The following NPAS3 variants were observed in gnomAD, a reference collection of about 807,000 sequenced individuals.
The protein encoded by NPAS3 is neuronal PAS domain-containing protein 3.
In NPAS3, 14 loss-of-function variants were observed where a neutral mutation model predicts 73.1. That is an observed-to-expected ratio of 0.19 (90% CI 0.13 to 0.30). The LOEUF is 0.30. Ranked by LOEUF, NPAS3 falls within the 10% of genes least tolerant of loss-of-function variation. The pLI, the probability that NPAS3 is intolerant of heterozygous loss-of-function variation, is 1.00. For missense variants in NPAS3, 1,096 were observed against 1,250.0 expected (o/e 0.88, Z 1.86); for synonymous variants, 620 against 541.5 (o/e 1.14, Z -2.01).
intron 5 of NPAS3, among the ~76,000 whole-genome samples, chr14:33,604,840 A>G (rs1325646427): frequency 6.6e-6 from 1 of 152,154 alleles, no homozygotes; most frequent in Non-Finnish European, 1.5e-5. Context: ...GCTAAATAAC[A>G]CAATCCAAAA....
At chr14:33,022,820 T>G (rs187708594) in intron 1 of NPAS3, among the ~76,000 whole-genome samples, 1 of 152,234 alleles carries the variant, frequency 6.6e-6, no homozygotes, top group African/African-American at 2.4e-5. Context: ...ATTATTAACA[T>G]TCATCAAAAT....
At chr14:33,580,262 C>T (rs1829830843) in intron 5 of NPAS3, among the ~76,000 whole-genome samples, 1 of 152,102 alleles carries the variant, frequency 6.6e-6, no homozygotes, top group African/African-American at 2.4e-5. Flanking sequence ...TTCAGAGCAA[C>T]CAACGTCTTC....
chr14:33,551,918 C>T (rs915679576), intron 4 of NPAS3, among the ~76,000 whole-genome samples: 1 of 152,218 alleles, frequency 6.6e-6, no homozygotes, highest in South Asian at 2.1e-4. Flanking sequence ...ATCCAGGGGT[C>T]CCCACTGTGT....
rs2061864843 is a variant in NPAS3, at chr14:33,748,340, G to T, written c.852+13008G>T. Among the ~76,000 whole-genome samples, 4 of 152,030 alleles carry T rather than the reference G, an allele frequency of 2.6e-5. No homozygotes were observed. The South Asian group carries it at 8.3e-4, about 32-fold the overall frequency. On this transcript the variant is annotated intron_variant, in intron 7 of 11. Transcript: ENST00000356141. Reference sequence around the variant, plus strand: ...TTCTTTTTAAAAAGCCTATACTAATGGTTGACACATTCTATGACATATTTT... The same window carrying T: ...TTCTTTTTAAAAAGCCTATACTAATTGTTGACACATTCTATGACATATTTT...
chr14:33,243,606 G>A (rs185608098), intron 3 of NPAS3, among the ~76,000 whole-genome samples: 286 of 152,170 alleles, frequency 1.9e-3, no homozygotes, highest in Non-Finnish European at 2.9e-3. Context: ...CCTCCTGTGG[G>A]CTAAGAACTT....
Position 33,197,237 on chromosome 14 carries a change from C to CTGTGTGTGTGTGTGTGTGTGTGTG in NPAS3, c.141-17937_141-17914dup, listed in dbSNP as rs11268151. Among the ~76,000 whole-genome samples the CTGTGTGTGTGTGTGTGTGTGTGTG allele has an allele frequency of 5.9e-5, 8 of 135,214 alleles. 1 individual carries two copies. The highest frequency in any genetic ancestry group is 1.1e-4 in the African/African-American group (4 of 37,250). The allele number at this position is 135,214 out of a possible 152,430, so 88.7% of individuals were successfully genotyped here. On this transcript the variant is annotated intron_variant, in intron 2 of 11. Coordinates refer to ENST00000356141, the Ensembl canonical transcript of NPAS3. The stretch of plus-strand genomic sequence containing the variant: ...CTGCTCTGGGATGCACTCCAGCAGG[C>CTGTGTGTGTGTGTGTGTGTGTGTG]TGTGTGTGTGTGTGTGTGTGTGTGT...
chr14:33,086,103 G>A (rs2042016752), intron 2 of NPAS3, among the ~76,000 whole-genome samples: 1 of 152,068 alleles, frequency 6.6e-6, no homozygotes, highest in African/African-American at 2.4e-5. Context: ...ACACAGGATT[G>A]GACATGTCAT....
chr14:33,038,508 C>T (rs1380596881), intron 1 of NPAS3, among the ~76,000 whole-genome samples: 1 of 148,634 alleles, frequency 6.7e-6, no homozygotes, highest in Non-Finnish European at 1.5e-5. Context: ...TCTATTTATA[C>T]ATCTACATCT....
intron 3 of NPAS3, among the ~76,000 whole-genome samples, chr14:33,280,028 C>G (rs2041524376): frequency 1.3e-5 from 2 of 152,134 alleles, no homozygotes; most frequent in African/African-American, 4.8e-5. Context: ...CAGCCTAACA[C>G]TGTGTGAAGG....
chr14:33,194,638 T>G (rs1264172766), intron 2 of NPAS3, among the ~76,000 whole-genome samples: 1 of 152,200 alleles, frequency 6.6e-6, no homozygotes, highest in Non-Finnish European at 1.5e-5. Flanking sequence ...GTGGTTATAA[T>G]AAGTATTATT....
intron 2 of NPAS3, among the ~76,000 whole-genome samples, chr14:33,114,796 C>T (rs1258314085): frequency 6.6e-6 from 1 of 152,110 alleles, no homozygotes; most frequent in Non-Finnish European, 1.5e-5. Context: ...GAAATTAAAG[C>T]AGCAGCTTCT....
intron 5 of NPAS3, chr14:33,612,407 A>G (rs1276582880): frequency 2.2e-6 from 1 of 456,022 alleles, no homozygotes; most frequent in East Asian, 7.0e-5. Context: ...CTCCACAGGC[A>G]CAGACACTGT....
At chr14:33,560,070 G>T (rs762342020) in intron 4 of NPAS3, 51 bp from the exon 5 acceptor site, 5 of 725,460 alleles carry the variant, frequency 6.9e-6, no homozygotes, top group African/African-American at 3.6e-5. Context: ...AATTAAATCT[G>T]CATCCTTTGT....
chr14:33,466,795 A>G (rs757649864), intron 4 of NPAS3, among the ~76,000 whole-genome samples: 2 of 152,074 alleles, frequency 1.3e-5, no homozygotes, highest in African/African-American at 2.4e-5. Context: ...CTCACTCACT[A>G]TACACTACCA....
intron 5 of NPAS3, among the ~76,000 whole-genome samples, chr14:33,581,441 C>T (rs1290609996): frequency 6.6e-6 from 1 of 152,144 alleles, no homozygotes; most frequent in African/African-American, 2.4e-5. Context: ...ATACCACCTC[C>T]ATTCAAAAAG....
At chr14:33,196,996 G>A (rs979067146) in intron 2 of NPAS3, among the ~76,000 whole-genome samples, 7 of 152,040 alleles carry the variant, frequency 4.6e-5, no homozygotes, top group African/African-American at 1.7e-4. Context: ...TATGCATCAT[G>A]ACTGATTTAA....
Position 33,735,203 on chromosome 14 carries a change from G to A in NPAS3, c.734-11G>A, listed in dbSNP as rs748900840. The A allele has an allele frequency of 3.5e-5, 56 of 1,592,434 alleles. No individual in the cohort carries two copies. Among genetic ancestry groups the A allele is most frequent in the Non-Finnish European group, 4.7e-5 (55 of 1,160,618 alleles). ...CTAAATCGTGTGTGTCTGTATTTTT[G>A]TATTCCTCAGTGGAGTCAACCAGCC... is the stretch of plus-strand genomic sequence containing the variant. On this transcript the variant is annotated splice_polypyrimidine_tract_variant and intron_variant, in intron 6 of 11. Transcript: ENST00000356141.
chr14:33,214,331 T>C (rs1225990611), intron 2 of NPAS3: 2 of 152,186 alleles, frequency 1.3e-5, no homozygotes, highest in South Asian at 4.1e-4. Flanking sequence ...GAAATGCACA[T>C]GAATAGTTGA....
At chr14:33,239,800 C>A (rs1351383070) in intron 3 of NPAS3, among the ~76,000 whole-genome samples, 1 of 151,838 alleles carries the variant, frequency 6.6e-6, no homozygotes, top group Non-Finnish European at 1.5e-5. Flanking sequence ...AAATGGAGAC[C>A]TATTGCCTAG....
Sources: gnomAD v4.1 joint callset for allele counts (sites outside exome capture counted in the v4.1 genomes callset) on GRCh38, gnomAD v4.1.1 for gene constraint, MANE v1.5 for transcripts, NCBI Gene and HGNC (gene_info 2026-07-23, HGNC 2026-07-21) for gene names.